ZNF251: variants seen among roughly 807,000 people sequenced by gnomAD.
ZNF251 encodes zinc finger protein 251.
ZNF251 carries 14 observed loss-of-function variants against 13.5 expected under a neutral mutation model. The observed-to-expected ratio is 1.04, with a 90% CI of 0.69 to 1.63. The LOEUF is 1.63. Ranked by LOEUF, ZNF251 falls within the 40% of genes most tolerant of loss-of-function variation. The probability of loss-of-function intolerance (pLI) is 0.00; values close to 1 mark genes in which losing one functional copy is unlikely to be tolerated. For missense variants in ZNF251, 764 were observed against 834.9 expected, an observed-to-expected ratio of 0.92 and a Z score of 1.05; for synonymous variants, 287 against 295.2, an observed-to-expected ratio of 0.97 and a Z score of 0.28.
chr8:144,746,120 A>G (rs1306735526), intron 4 of ZNF251, among the ~76,000 whole-genome samples: 3 of 152,248 alleles, frequency 2.0e-5, no homozygotes, highest in African/African-American at 4.8e-5. Flanking sequence ...AGGAAAATGT[A>G]GATTTTCTGT....
At chr8:144,748,841 G>A (rs115746556) in intron 4 of ZNF251, among the ~76,000 whole-genome samples, 3,676 of 152,228 alleles carry the variant, frequency 0.024, 138 homozygotes, top group African/African-American at 0.085. Flanking sequence ...GGAATTACAG[G>A]AGCCATCACT....
At chr8:144,731,287 A>T (rs1486300463) in intron 4 of ZNF251, among the ~76,000 whole-genome samples, 1 of 152,208 alleles carries the variant, frequency 6.6e-6, no homozygotes, top group Non-Finnish European at 1.5e-5. Context: ...TAGTTTCACG[A>T]AACTATGCAG....
intron 4 of ZNF251, among the ~76,000 whole-genome samples, chr8:144,739,915 A>G (rs1824080253): frequency 6.6e-6 from 1 of 151,896 alleles, no homozygotes; most frequent in Admixed American, 6.6e-5. Flanking sequence ...AAAGCATTTC[A>G]TTATCTGGTC....
At chr8:144,748,626 T>A (rs1326348652) in intron 4 of ZNF251, among the ~76,000 whole-genome samples, 1 of 152,116 alleles carries the variant, frequency 6.6e-6, no homozygotes, top group African/African-American at 2.4e-5. Flanking sequence ...AGTGGTGCAA[T>A]CACAGCTCAC....
At position 144,732,616 on chromosome 8, in the gene ZNF251, T is replaced by A. The variant is rs375925234; in HGVS notation, c.278-9234A>T. On this transcript the variant is annotated intron_variant, in intron 4 of 4. Transcript: ENST00000292562. ...TCACGAGGTCAGGAGATGGAGACCA[T>A]CCTGGCCAACACGGTGAAACCCCGT... Among the ~76,000 whole-genome samples the A allele has an allele frequency of 1.5e-4, 22 of 150,564 alleles. No individual in the cohort carries two copies. In the South Asian group the frequency reaches 4.1e-3, roughly 28 times the overall value.
chr8:144,744,117 G>A lies in ZNF251; in HGVS notation c.277+9566C>T, dbSNP rs1225507734. Among the ~76,000 whole-genome samples the A allele has an allele frequency of 7.4e-5, 11 of 148,912 alleles. No homozygotes were observed. The East Asian group carries it at 8.0e-4, about 11-fold the overall frequency. ...CAACCTCTGCCTCCCGGGTTCAGGCGATTCTCCTGCCTCAGCCTCTGGAGT... is the reference window on the plus strand; with the variant it reads ...CAACCTCTGCCTCCCGGGTTCAGGCAATTCTCCTGCCTCAGCCTCTGGAGT... On this transcript the variant is annotated intron_variant, in intron 4 of 4. Coordinates refer to ENST00000292562, the MANE Select transcript of ZNF251 (RefSeq NM_138367.2).
intron 4 of ZNF251, among the ~76,000 whole-genome samples, chr8:144,725,316 CT>C (rs942350591): frequency 6.6e-6 from 1 of 150,438 alleles, no homozygotes; most frequent in African/African-American, 2.4e-5. Context: ...CACCCGGCCT[CT>C]TTTTTTAAAA....
At position 144,721,677 on chromosome 8, in the gene ZNF251, A is replaced by G; in HGVS notation, c.1983T>C (p.His661=). The change falls in exon 5 of 5, where the codon CAT becomes CAC. Residue 661 remains histidine, a synonymous_variant. Coordinates refer to ENST00000292562, the MANE Select transcript of ZNF251 (RefSeq NM_138367.2). ...GTCTTTCTTGGAAAATCTTCTTGATATGAATAAAGTATCTTTTAGAGCCAT... is the reference window on the plus strand; with the variant it reads ...GTCTTTCTTGGAAAATCTTCTTGATGTGAATAAAGTATCTTTTAGAGCCAT... ...LNDGSKRYFI[H]IKKIFQERHF The G allele has an allele frequency of 1.5e-6, 2 of 1,342,934 alleles. No homozygotes were observed. The highest frequency in any genetic ancestry group is 1.9e-6 in the Non-Finnish European group (2 of 1,037,350). The allele number at this position is 1,342,934 out of a possible 1,614,324, so 83.2% of individuals were successfully genotyped here.
intron 4 of ZNF251, among the ~76,000 whole-genome samples, chr8:144,732,572 GGA>G (rs1157048850): frequency 6.6e-6 from 1 of 151,966 alleles, no homozygotes; most frequent in African/African-American, 2.4e-5. Context: ...CAGCACTTGG[GGA>G]GGCCAAGGCG....
At chr8:144,729,219 T>A (rs747205509) in intron 4 of ZNF251, among the ~76,000 whole-genome samples, 20 of 152,106 alleles carry the variant, frequency 1.3e-4, no homozygotes, top group Non-Finnish European at 2.2e-4. Flanking sequence ...AAGCTCCTGG[T>A]TATAAAAGTC....
At chr8:144,752,133 AC>A (rs1383778854) in intron 4 of ZNF251, among the ~76,000 whole-genome samples, 10 of 140,798 alleles carry the variant, frequency 7.1e-5, no homozygotes, top group South Asian at 2.3e-4. Context: ...GAATAACTAG[AC>A]CAAAAAAAAA....
chr8:144,738,329 T>C (rs1196015208), intron 4 of ZNF251, among the ~76,000 whole-genome samples: 2 of 152,160 alleles, frequency 1.3e-5, no homozygotes, highest in Non-Finnish European at 2.9e-5. Context: ...GCAAACGCTA[T>C]CCGCCTATTG....
intron 4 of ZNF251, among the ~76,000 whole-genome samples, chr8:144,750,330 G>A (rs966090349): frequency 1.3e-5 from 2 of 152,152 alleles, no homozygotes; most frequent in African/African-American, 4.8e-5. Context: ...ATGATACTAT[G>A]AGCAGGGCTC....
At chr8:144,746,698 CGT>C (rs1280710354) in intron 4 of ZNF251, among the ~76,000 whole-genome samples, 9 of 151,798 alleles carry the variant, frequency 5.9e-5, no homozygotes, top group Non-Finnish European at 1.0e-4. Context: ...TATTTCTTCC[CGT>C]GTTTGGGAGA....
At chr8:144,726,257 G>C (rs1439747140) in intron 4 of ZNF251, among the ~76,000 whole-genome samples, 2 of 151,178 alleles carry the variant, frequency 1.3e-5, no homozygotes, top group African/African-American at 4.9e-5. Flanking sequence ...AATCAGGCTG[G>C]GCACAATGGC....
In ZNF251 at chr8:144,722,760, C is replaced by T; in HGVS notation, c.900G>A (p.Lys300=). ...EKPFGCGECG[K]AFSRSSTLIQ... ...TAAGAGTTGAGCTTCGACTGAAAGC[C>T]TTCCCACACTCACCACAGCCAAAGG... The change falls in exon 5 of 5, where the codon AAG becomes AAA. Residue 300 remains lysine, a synonymous_variant. Transcript: ENST00000292562. The surrounding 1 kb of genome is among the most constrained non-coding windows in gnomAD (Gnocchi z 4.8). 2 of 1,614,096 alleles carry T rather than the reference C, an allele frequency of 1.2e-6. No homozygotes were observed. Among genetic ancestry groups the T allele is most frequent in the Non-Finnish European group, 1.7e-6 (2 of 1,179,942 alleles).
Position 144,721,833 on chromosome 8 carries a change from A to G in ZNF251, c.1827T>C (p.Leu609=). The G allele has an allele frequency of 6.7e-7, 1 of 1,495,110 alleles. No individual in the cohort carries two copies. Among genetic ancestry groups the G allele is most frequent in the Non-Finnish European group, 8.9e-7 (1 of 1,122,324 alleles). 92.6% of individuals were successfully genotyped at this position (1,495,110 alleles called of 1,614,324 possible). A position where few individuals can be genotyped will look rare whatever the true frequency, so the allele number is the denominator to read the frequency against. The change falls in exon 5 of 5, where the codon CTT becomes CTC. Residue 609 remains leucine, a synonymous_variant. Coordinates refer to ENST00000292562, the MANE Select transcript of ZNF251 (RefSeq NM_138367.2). ...CAGTGTGAGTTACCTGATGTTGAAT[A>G]AGGGTTGACTTTCCACTGAAGGCGT... ...CGNAFSGKST[L]IQHQVTHTGQ... is the part of the protein sequence containing the mutation.
At chr8:144,740,717 T>A (rs1824119152) in intron 4 of ZNF251, among the ~76,000 whole-genome samples, 1 of 152,062 alleles carries the variant, frequency 6.6e-6, no homozygotes, top group South Asian at 2.1e-4. Flanking sequence ...GCAGATTGCC[T>A]AAGCTCAGGA....
rs1431410940 is a variant in ZNF251, at chr8:144,755,455, A to C, written c.-126T>G. On this transcript the variant is annotated 5_prime_UTR_variant, in exon 1 of 5. Transcript: ENST00000292562. Reference sequence around the variant, plus strand: ...CCGAGGAAGCGCCGAGGAGCTGCGCAGTCGCACCGAGCCCGGAACGGACCC... The same window carrying C: ...CCGAGGAAGCGCCGAGGAGCTGCGCCGTCGCACCGAGCCCGGAACGGACCC... 1 of 1,287,764 alleles carries C rather than the reference A, an allele frequency of 7.8e-7. No individual in the cohort carries two copies. Among genetic ancestry groups the C allele is most frequent in the South Asian group, 1.2e-5 (1 of 80,984 alleles). The allele number at this position is 1,287,764 out of a possible 1,614,324, so 79.8% of individuals were successfully genotyped here.
Sources: gnomAD v4.1 joint callset for allele counts (sites outside exome capture counted in the v4.1 genomes callset) on GRCh38, gnomAD v4.1.1 for gene constraint, Gnocchi (gnomAD v3.1) non-coding constraint, MANE v1.5 for transcripts, NCBI Gene and HGNC (gene_info 2026-07-23, HGNC 2026-07-21) for gene names.